Variants in ITPR2 observed in about 807,000 individuals in gnomAD.
ITPR2 encodes the protein inositol 1,4,5-trisphosphate-gated calcium channel ITPR2.
Under a neutral mutation model 317.1 loss-of-function variants are expected in ITPR2, and 207 were observed. The ratio of observed to expected loss-of-function variants is 0.65; its 90% CI spans 0.58 to 0.73. ITPR2 has a LOEUF of 0.73. ITPR2 is among the 30% of genes least tolerant of loss of function. The probability of loss-of-function intolerance (pLI) is 0.00; values close to 1 mark genes in which losing one functional copy is unlikely to be tolerated. For missense variants in ITPR2, 2,613 were observed against 3,284.0 expected (o/e 0.80, Z 4.99); for synonymous variants, 1,156 against 1,149.1 (o/e 1.01, Z -0.12).
chr12:26,761,132 T>C (rs749422395), intron 2 of ITPR2, among the ~76,000 whole-genome samples: 3 of 152,068 alleles, frequency 2.0e-5, no homozygotes, highest in Non-Finnish European at 2.9e-5. Context: ...GCAAGCCCAG[T>C]GGACCAAGGC....
intron 2 of ITPR2, among the ~76,000 whole-genome samples, chr12:26,783,248 A>G (rs1592125548): frequency 6.6e-6 from 1 of 152,352 alleles, no homozygotes; most frequent in East Asian, 1.9e-4. Flanking sequence ...GTTGCTTGCC[A>G]GAAGTGGCCC....
intron 37 of ITPR2, among the ~76,000 whole-genome samples, chr12:26,504,688 C>A (rs1591837190): frequency 1.3e-5 from 2 of 152,282 alleles, no homozygotes; most frequent in East Asian, 3.9e-4. Flanking sequence ...ATGCTCTCAG[C>A]CACCAATTTC....
chr12:26,760,363 T>A (rs1217218277), intron 2 of ITPR2, among the ~76,000 whole-genome samples: 1 of 152,226 alleles, frequency 6.6e-6, no homozygotes, highest in East Asian at 1.9e-4. Context: ...TTATTTAATT[T>A]CTAAATAAAC....
intron 2 of ITPR2, among the ~76,000 whole-genome samples, chr12:26,764,717 CA>C (rs34500117): frequency 6.6e-6 from 1 of 151,488 alleles, no homozygotes; most frequent in African/African-American, 2.4e-5. Flanking sequence ...ACAACAACAA[CA>C]AAAAAACTGT....
At chr12:26,722,627 T>C (rs1274679431) in intron 4 of ITPR2, 72 bp from the exon 5 acceptor site, 2 of 1,163,420 alleles carry the variant, frequency 1.7e-6, no homozygotes, top group Non-Finnish European at 2.5e-6. Flanking sequence ...ATATGTTTTA[T>C]ACATGTATCA....
chr12:26,762,659 T>A (rs1949657803), intron 2 of ITPR2, among the ~76,000 whole-genome samples: 1 of 152,158 alleles, frequency 6.6e-6, no homozygotes, highest in Non-Finnish European at 1.5e-5. Context: ...AAGATTATAG[T>A]CAAATTCAGA....
chr12:26,585,370 T>C (rs552327114), intron 32 of ITPR2, among the ~76,000 whole-genome samples: 2 of 152,346 alleles, frequency 1.3e-5, no homozygotes, highest in South Asian at 4.1e-4. Context: ...TAACCGTTTG[T>C]CAAATATTAA....
At chr12:26,339,873 A>G (rs1482040840) in intron 56 of ITPR2, among the ~76,000 whole-genome samples, 2 of 152,216 alleles carry the variant, frequency 1.3e-5, no homozygotes, top group Admixed American at 1.3e-4. Flanking sequence ...CTTAGTAATT[A>G]CTATCATGGC....
intron 55 of ITPR2, among the ~76,000 whole-genome samples, chr12:26,364,177 A>G (rs1295100488): frequency 6.6e-6 from 1 of 152,222 alleles, no homozygotes; most frequent in Non-Finnish European, 1.5e-5. Flanking sequence ...ATTTGATTTT[A>G]TTTAACAGTG....
chr12:26,569,663 TAGG>T (rs1945105729), intron 34 of ITPR2, among the ~76,000 whole-genome samples: 1 of 151,866 alleles, frequency 6.6e-6, no homozygotes, highest in Admixed American at 6.6e-5. Context: ...AAAAACCTAT[TAGG>T]AGAAATAAGG....
chr12:26,609,460 A>T (rs1459602829), intron 26 of ITPR2, among the ~76,000 whole-genome samples: 1 of 152,084 alleles, frequency 6.6e-6, no homozygotes, highest in Non-Finnish European at 1.5e-5. Flanking sequence ...TACAAAAATC[A>T]GCCAGGCGTG....
chr12:26,551,892 T>C (rs1011771390), intron 36 of ITPR2, among the ~76,000 whole-genome samples: 1 of 152,180 alleles, frequency 6.6e-6, no homozygotes, highest in African/African-American at 2.4e-5. Flanking sequence ...ACTGGAATAT[T>C]AACCTCAAGA....
At position 26,475,384 on chromosome 12, in the gene ITPR2, A is replaced by G. The variant is rs774638924; in HGVS notation, c.6254T>C (p.Leu2085Ser). 5.0e-6 allele frequency: 8 copies of G among 1,614,020 alleles called. No individual in the cohort carries two copies. In the South Asian group the frequency reaches 8.8e-5, roughly 18 times the overall value. The change falls in exon 45 of 57, where the codon TTG becomes TCG. Residue 2085 changes from leucine to serine, a missense_variant. Leu to Ser is a moderately radical substitution (Grantham distance 145). Transcript: ENST00000381340. Reference protein sequence around the residue: ...DVMKNAYNQGLECDHGDDEGG... With the variant: ...DVMKNAYNQGSECDHGDDEGG... Reference sequence around the variant, plus strand: ...CTCATCATCCCCATGGTCACATTCCAATCCTTGGTTATAGGCATTCTTCAT... The same window carrying G: ...CTCATCATCCCCATGGTCACATTCCGATCCTTGGTTATAGGCATTCTTCAT...
intron 52 of ITPR2, among the ~76,000 whole-genome samples, chr12:26,410,983 T>C (rs1342771110): frequency 1.3e-5 from 2 of 152,168 alleles, no homozygotes; most frequent in Non-Finnish European, 2.9e-5. Flanking sequence ...TATAAGCCCA[T>C]ACTCTTCCCG....
intron 42 of ITPR2, 119 bp from the exon 43 acceptor site, chr12:26,481,360 T>C: frequency 1.6e-6 from 1 of 607,662 alleles, no homozygotes; most frequent in Non-Finnish European, 2.9e-6. Flanking sequence ...TAGGTAAGAT[T>C]TACCTTTGAG....
At chr12:26,376,539 C>T (rs1445122771) in intron 55 of ITPR2, among the ~76,000 whole-genome samples, 1 of 152,024 alleles carries the variant, frequency 6.6e-6, no homozygotes, top group Non-Finnish European at 1.5e-5. Context: ...ATCTTTCTGC[C>T]TGTTTATTTT....
At chr12:26,646,900 A>G (rs1947126059) in intron 21 of ITPR2, among the ~76,000 whole-genome samples, 1 of 152,214 alleles carries the variant, frequency 6.6e-6, no homozygotes, top group African/African-American at 2.4e-5. Flanking sequence ...GTGCTTAGCT[A>G]TGGAAACTCC....
intron 9 of ITPR2, among the ~76,000 whole-genome samples, chr12:26,703,504 C>G (rs938458741): frequency 1.3e-5 from 2 of 152,172 alleles, no homozygotes; most frequent in African/African-American, 4.8e-5. Flanking sequence ...TTGGGAGGGG[C>G]TGTCCTGTGT....
chr12:26,656,526 T>G lies in ITPR2; in HGVS notation c.2215A>C (p.Arg739=). ...YYRYQLNLFA[R]MCLDRQYLAI... is the part of the protein sequence containing the mutation. Reference sequence around the variant, plus strand: ...AGATACTGGCGATCCAAGCACATCCTTGCAAAGAGGTTTAGCTGGTACCTT... The same window carrying G: ...AGATACTGGCGATCCAAGCACATCCGTGCAAAGAGGTTTAGCTGGTACCTT... Residue 739 remains arginine (R), a synonymous_variant, in exon 19 of 57, where the codon AGG becomes CGG. Transcript: ENST00000381340. 1 of 1,614,222 alleles carries G rather than the reference T, an allele frequency of 6.2e-7. No homozygotes were observed. Among genetic ancestry groups the G allele is most frequent in the Non-Finnish European group, 8.5e-7 (1 of 1,180,040 alleles).
Sources: gnomAD v4.1 joint callset for allele counts (sites outside exome capture counted in the v4.1 genomes callset) on GRCh38, gnomAD v4.1.1 for gene constraint, MANE v1.5 for transcripts, NCBI Gene and HGNC (gene_info 2026-07-23, HGNC 2026-07-21) for gene names.